The following CDC42 variants were observed in gnomAD, a reference collection of about 807,000 sequenced individuals.
CDC42 encodes cell division control protein 42 homolog.
Under a neutral mutation model 20.8 loss-of-function variants are expected in CDC42, and 1 was observed. The ratio of observed to expected loss-of-function variants is 0.05; its 90% CI spans 0.02 to 0.23. CDC42 has a LOEUF of 0.23. Ranked by LOEUF, CDC42 falls within the 10% of genes least tolerant of loss-of-function variation. The pLI, the probability that CDC42 is intolerant of heterozygous loss-of-function variation, is 1.00. For missense variants in CDC42, 49 were observed against 227.9 expected, an observed-to-expected ratio of 0.21 and a Z score of 5.05; for synonymous variants, 72 against 84.8, an observed-to-expected ratio of 0.85 and a Z score of 0.83.
At position 22,097,033 on chromosome 1, in the gene CDC42, G is replaced by T. The variant is rs940432865; in HGVS notation, c.*5516G>T. Among the ~76,000 whole-genome samples the T allele has an allele frequency of 1.3e-5, 2 of 152,220 alleles. No individual in the cohort carries two copies. The highest frequency in any genetic ancestry group is 1.3e-4 in the Admixed American group (2 of 15,280). The stretch of plus-strand genomic sequence containing the variant: ...TGGAGAACTGGGTGGGGAACAATTT[G>T]TAATCCTTTTTAGTTCATATGTCAC... On this transcript the variant is annotated 3_prime_UTR_variant, in exon 6 of 6. Transcript: ENST00000656825.
At chr1:22,069,406 C>A (rs1569988700) in intron 1 of CDC42, among the ~76,000 whole-genome samples, 1 of 151,930 alleles carries the variant, frequency 6.6e-6, no homozygotes, top group African/African-American at 2.4e-5. Context: ...GAACTCCTGA[C>A]CTCAAGTGAT....
At chr1:22,081,586 G>A (rs535803639) in intron 2 of CDC42, 136 bp from the exon 3 acceptor site, 3 of 606,418 alleles carry the variant, frequency 4.9e-6, no homozygotes, top group African/African-American at 3.7e-5. Flanking sequence ...TGGCAAGATT[G>A]GTTATATAAG....
At chr1:22,089,897 T>A in intron 5 of CDC42, 1 of 1,594,550 alleles carries the variant, frequency 6.3e-7, no homozygotes. Flanking sequence ...GTCTTTCTAA[T>A]CCTCTAACCT....
rs777057208 is a variant in CDC42, at chr1:22,093,166, C to T, written c.*1649C>T. On this transcript the variant is annotated 3_prime_UTR_variant, in exon 6 of 6. Coordinates refer to ENST00000656825, the MANE Select transcript of CDC42 (RefSeq NM_001791.4). ...CTAAGTTTGACCCTTCCCTTAAATA[C>T]CAAGTAGGTCCATAATAATTCTTAG... Among the ~76,000 whole-genome samples the T allele has an allele frequency of 2.0e-5, 3 of 152,122 alleles. No individual in the cohort carries two copies. Among genetic ancestry groups the T allele is most frequent in the Non-Finnish European group, 2.9e-5 (2 of 68,030 alleles).
rs16826367 is a variant in CDC42 at position 22,065,771 on chromosome 1, G to C, written c.-50-12658G>C. On this transcript the variant is annotated intron_variant, in intron 1 of 5. Coordinates refer to ENST00000656825, the MANE Select transcript of CDC42 (RefSeq NM_001791.4). Reference sequence around the variant, plus strand: ...TCTTTAAAAATCTCGTCTTTTTTTGGGGGGCGGGGGAGGGGTCAGAGTCTC... The same window carrying C: ...TCTTTAAAAATCTCGTCTTTTTTTGCGGGGCGGGGGAGGGGTCAGAGTCTC... Among the ~76,000 whole-genome samples the C allele has an allele frequency of 9.6e-3, 1,448 of 151,322 alleles. 25 individuals carry two copies. The highest frequency in any genetic ancestry group is 0.033 in the African/African-American group (1,364 of 40,964).
At chr1:22,079,908 A>C (rs1407448279) in intron 2 of CDC42, among the ~76,000 whole-genome samples, 1 of 152,198 alleles carries the variant, frequency 6.6e-6, no homozygotes. Context: ...GAAAAGTGAT[A>C]GAGTGGAAGG....
chr1:22,061,126 G>A lies in CDC42; in HGVS notation c.-51+8384G>A, dbSNP rs1645357711. 2.0e-5 allele frequency among the ~76,000 whole-genome samples: 3 copies of A among 152,346 alleles called. No individual in the cohort carries two copies. In the South Asian group the frequency reaches 6.2e-4, roughly 32 times the overall value. ...GGGTGTCAGATAAATTAGAAACCCA[G>A]CCGGGCAGAGTGGCTCACGCCTGTA... On this transcript the variant is annotated intron_variant, in intron 1 of 5. Transcript: ENST00000656825.
At chr1:22,085,514 G>A in intron 3 of CDC42, among the ~76,000 whole-genome samples, 1 of 152,108 alleles carries the variant, frequency 6.6e-6, no homozygotes, top group Non-Finnish European at 1.5e-5. Flanking sequence ...GGATAATGTT[G>A]ACATGTCAAC....
At position 22,098,220 on chromosome 1, in the gene CDC42, C is replaced by CT. The variant is rs1645769629; in HGVS notation, c.*6706dup. On this transcript the variant is annotated 3_prime_UTR_variant, in exon 6 of 6. Coordinates refer to ENST00000656825, the MANE Select transcript of CDC42 (RefSeq NM_001791.4). ...GCATTATTACTCCTAACAACGTGCC[C>CT]TTTGGCAGGTAGCTTCCACTTTTCT... 6.6e-6 allele frequency among the ~76,000 whole-genome samples: 1 copy of CT among 152,108 alleles called. No homozygotes were observed. Among genetic ancestry groups the CT allele is most frequent in the African/African-American group, 2.4e-5 (1 of 41,414 alleles).
rs1645741155 is a variant in CDC42, at chr1:22,094,294, A to ATATTTTTTTTTTTTTT, written c.*2778_*2779insATTTTTTTTTTTTTTT. Among the ~76,000 whole-genome samples the ATATTTTTTTTTTTTTT allele has an allele frequency of 2.6e-5, 1 of 38,292 alleles. No individual in the cohort carries two copies. The highest frequency in any genetic ancestry group is 4.2e-5 in the Non-Finnish European group (1 of 23,610). The allele number at this position is 38,292 out of a possible 152,430, so 25.1% of individuals were successfully genotyped here. A position where few individuals can be genotyped will look rare whatever the true frequency, so the allele number is the denominator to read the frequency against. On this transcript the variant is annotated 3_prime_UTR_variant, in exon 6 of 6. Coordinates refer to ENST00000656825, the MANE Select transcript of CDC42 (RefSeq NM_001791.4). The stretch of plus-strand genomic sequence containing the variant: ...GTTTTACTGAACATCCTAGAAATAG[A>ATATTTTTTTTTTTTTT]TTTTTTTTTTTTTTTTTTTTTGAGA...
rs979258460 is a variant in CDC42 at position 22,095,096 on chromosome 1, A to G, written c.*3579A>G. ...CATTTCACCAGGAAGTAGCAACTCC[A>G]TCATCTTTCAGGAAGGGCTGATGGT... On this transcript the variant is annotated 3_prime_UTR_variant, in exon 6 of 6. Coordinates refer to ENST00000656825, the MANE Select transcript of CDC42 (RefSeq NM_001791.4). Among the ~76,000 whole-genome samples, 3 of 152,158 alleles carry G rather than the reference A, an allele frequency of 2.0e-5. No homozygotes were observed. The highest frequency in any genetic ancestry group is 4.4e-5 in the Non-Finnish European group (3 of 68,028).
chr1:22,086,848 G>C lies in CDC42; in HGVS notation c.468G>C (p.Glu156Asp), dbSNP rs758444709. The C allele has an allele frequency of 1.9e-6, 3 of 1,613,778 alleles. No individual in the cohort carries two copies. Among genetic ancestry groups the C allele is most frequent in the Non-Finnish European group, 2.5e-6 (3 of 1,179,806 alleles). The stretch of plus-strand genomic sequence containing the variant: ...ACCTGAAGGCTGTCAAGTATGTGGA[G>C]TGTTCTGCACTTACACAGGTAAGAA... Reference protein sequence around the residue: ...ARDLKAVKYVECSALTQKGLK... With the variant: ...ARDLKAVKYVDCSALTQKGLK... The change falls in exon 5 of 6, where the codon GAG becomes GAC. Residue 156 changes from glutamate (E) to aspartate (D), a missense_variant. Glu to Asp is a conservative substitution (Grantham distance 45). Coordinates refer to ENST00000656825, the MANE Select transcript of CDC42 (RefSeq NM_001791.4).
At chr1:22,074,273 TCACCGTGTTAGC>T (rs1645524566) in intron 1 of CDC42, 1 of 152,290 alleles carries the variant, frequency 6.6e-6, no homozygotes, top group Non-Finnish European at 1.5e-5. Flanking sequence ...AGATGGGGTT[TCACCGTGTTAGC>T]CAGAATGGTC....
rs201360865 is a variant in CDC42 at position 22,066,429 on chromosome 1, GTTAA to G, written c.-50-11996_-50-11993del. ...AGCATATGTGACTAAAAATAACATG[GTTAA>G]TTACTCCTGTGATTCATTTATTCGG... On this transcript the variant is annotated intron_variant, in intron 1 of 5. Transcript: ENST00000656825. 2.0e-5 allele frequency among the ~76,000 whole-genome samples: 3 copies of G among 152,196 alleles called. No homozygotes were observed. The East Asian group carries it at 5.8e-4, about 29-fold the overall frequency.
chr1:22,058,539 A>G (rs142715173), intron 1 of CDC42, among the ~76,000 whole-genome samples: 1,971 of 151,330 alleles, frequency 0.013, 50 homozygotes, highest in African/African-American at 0.042. Context: ...CTGGAGTGCA[A>G]TGGCATGATC....
intron 1 of CDC42, among the ~76,000 whole-genome samples, chr1:22,065,014 A>G (rs1430880808): frequency 1.3e-5 from 2 of 152,174 alleles, no homozygotes; most frequent in African/African-American, 2.4e-5. Flanking sequence ...TTTCACGTTG[A>G]TAGTAAGAGT....
intron 1 of CDC42, among the ~76,000 whole-genome samples, chr1:22,055,635 CATGCA>C (rs1392837660): frequency 2.0e-5 from 3 of 152,008 alleles, no homozygotes; most frequent in Admixed American, 6.6e-5. Context: ...GACTACGGTG[CATGCA>C]ACCAGACCCG....
chr1:22,083,371 G>A (rs1645628349), intron 3 of CDC42, among the ~76,000 whole-genome samples: 1 of 151,966 alleles, frequency 6.6e-6, no homozygotes, highest in Non-Finnish European at 1.5e-5. Context: ...GGGAGGCTGA[G>A]ACAGGCAGTT....
chr1:22,057,098 A>G (rs1645311450), intron 1 of CDC42, among the ~76,000 whole-genome samples: 1 of 152,230 alleles, frequency 6.6e-6, no homozygotes, highest in Admixed American at 6.5e-5. Context: ...GCCACTTATT[A>G]GGTATGTGCA....
Sources: gnomAD v4.1 joint callset for allele counts (sites outside exome capture counted in the v4.1 genomes callset) on GRCh38, gnomAD v4.1.1 for gene constraint, MANE v1.5 for transcripts, NCBI Gene and HGNC (gene_info 2026-07-23, HGNC 2026-07-21) for gene names.